The following ST6GALNAC5 variants were observed in gnomAD, a reference collection of about 807,000 sequenced individuals.
ST6GALNAC5 encodes the protein ST6 N-acetylgalactosaminide alpha-2,6-sialyltransferase 5.
In ST6GALNAC5, 27 loss-of-function variants were observed where a neutral mutation model predicts 33.6. The ratio of observed to expected loss-of-function variants is 0.80; its 90% confidence interval spans 0.59 to 1.11. ST6GALNAC5 has a LOEUF of 1.11. Ranked by LOEUF, ST6GALNAC5 falls within the 50% of genes least tolerant of loss-of-function variation. The probability of loss-of-function intolerance (pLI) is 0.00; values close to 1 mark genes in which losing one functional copy is unlikely to be tolerated. For synonymous variants in ST6GALNAC5, 194 were observed against 171.2 expected (o/e 1.13, Z -1.04); for missense variants, 428 against 454.0 (o/e 0.94, Z 0.52).
chr1:76,942,965 T>C (rs1474893149), intron 2 of ST6GALNAC5, among the ~76,000 whole-genome samples: 4 of 152,106 alleles, frequency 2.6e-5, no homozygotes, highest in Admixed American at 2.0e-4. Flanking sequence ...ACAAATTCCA[T>C]GAAAAACAAC....
At chr1:76,895,498 A>G (rs550597141) in intron 2 of ST6GALNAC5, among the ~76,000 whole-genome samples, 40 of 152,206 alleles carry the variant, frequency 2.6e-4, no homozygotes, top group Non-Finnish European at 5.3e-4. Flanking sequence ...GAATTGAAAA[A>G]CTAAATGGAA....
intron 2 of ST6GALNAC5, among the ~76,000 whole-genome samples, chr1:77,012,637 C>T (rs1650676761): frequency 1.3e-5 from 2 of 151,972 alleles, no homozygotes; most frequent in African/African-American, 4.8e-5. Flanking sequence ...CCTTTGTGAA[C>T]CAAGGAAGAG....
At chr1:77,009,830 C>T (rs964738606) in intron 2 of ST6GALNAC5, among the ~76,000 whole-genome samples, 1 of 152,140 alleles carries the variant, frequency 6.6e-6, no homozygotes, top group Admixed American at 6.5e-5. Context: ...TTGCCAATTT[C>T]CTCTTTTATG....
chr1:76,961,261 A>G (rs1298861110), intron 2 of ST6GALNAC5, among the ~76,000 whole-genome samples: 1 of 152,156 alleles, frequency 6.6e-6, no homozygotes, highest in Non-Finnish European at 1.5e-5. Context: ...ACTTTTGGAG[A>G]GGCTAGATTA....
intron 2 of ST6GALNAC5, among the ~76,000 whole-genome samples, chr1:76,991,161 C>T (rs1375000109): frequency 2.6e-5 from 4 of 152,090 alleles, no homozygotes; most frequent in African/African-American, 9.6e-5. Context: ...TATGGAGGGG[C>T]AGAAAGAAAA....
At chr1:76,913,790 G>A (rs556320661) in intron 2 of ST6GALNAC5, among the ~76,000 whole-genome samples, 8 of 152,240 alleles carry the variant, frequency 5.3e-5, no homozygotes, top group African/African-American at 1.7e-4. Context: ...CACAAGACAG[G>A]GATGCCCTCT....
chr1:76,982,251 A>G (rs1320264774), intron 2 of ST6GALNAC5, among the ~76,000 whole-genome samples: 1 of 152,208 alleles, frequency 6.6e-6, no homozygotes, highest in Non-Finnish European at 1.5e-5. Context: ...ATCGCAAGGA[A>G]GCTAAAAACC....
In ST6GALNAC5 at chr1:76,869,533, C is replaced by T. The variant is rs141913654; in HGVS notation, c.261+791C>T. ...GTATCCGCCATTATTTGAAGCTGCT[C>T]GTATGTTTTTATTAAAACACAATTC... On this transcript the variant is annotated intron_variant, in intron 2 of 4. Coordinates refer to ENST00000477717, the MANE Select transcript of ST6GALNAC5 (RefSeq NM_030965.3). 1.3e-3 allele frequency among the ~76,000 whole-genome samples: 191 copies of T among 152,208 alleles called. 2 individuals carry two copies. Among genetic ancestry groups the T allele is most frequent in the African/African-American group, 4.3e-3 (179 of 41,536 alleles).
At chr1:77,030,926 G>A (rs1651427179) in intron 2 of ST6GALNAC5, among the ~76,000 whole-genome samples, 1 of 152,192 alleles carries the variant, frequency 6.6e-6, no homozygotes, top group South Asian at 2.1e-4. Context: ...CCAAATCTGG[G>A]CAGAGTCAGC....
At chr1:77,026,054 G>T (rs145307494) in intron 2 of ST6GALNAC5, among the ~76,000 whole-genome samples, 70 of 152,344 alleles carry the variant, frequency 4.6e-4, no homozygotes, top group African/African-American at 1.3e-3. Context: ...CTGAATTCTA[G>T]TCTTGGCTTT....
Position 76,983,452 on chromosome 1 carries a change from C to A in ST6GALNAC5, c.262-60752C>A, listed in dbSNP as rs913995408. Among the ~76,000 whole-genome samples the A allele has an allele frequency of 1.7e-4, 26 of 152,032 alleles. 1 individual carries two copies. The highest frequency in any genetic ancestry group is 5.6e-4 in the African/African-American group (23 of 41,398). ...ATAATGGTAAAGGGATCAATTCAAC[C>A]AGAAGAGCTAACTATCCTAAATATA... is the stretch of plus-strand genomic sequence containing the variant. On this transcript the variant is annotated intron_variant, in intron 2 of 4. Transcript: ENST00000477717.
intron 2 of ST6GALNAC5, among the ~76,000 whole-genome samples, chr1:77,006,963 A>C (rs763282009): frequency 6.6e-6 from 1 of 152,168 alleles, no homozygotes; most frequent in African/African-American, 2.4e-5. Context: ...CTTGTTTAGT[A>C]AGCTAACCCC....
intron 2 of ST6GALNAC5, among the ~76,000 whole-genome samples, chr1:76,900,696 A>G (rs1180386917): frequency 6.6e-6 from 1 of 152,212 alleles, no homozygotes; most frequent in African/African-American, 2.4e-5. Context: ...CATAAAAATC[A>G]TTATCTTTTA....
intron 2 of ST6GALNAC5, among the ~76,000 whole-genome samples, chr1:77,002,478 G>A (rs1402186803): frequency 6.6e-6 from 1 of 151,768 alleles, no homozygotes; most frequent in Non-Finnish European, 1.5e-5. Flanking sequence ...GGTTTTTTGT[G>A]TCTCTATTTC....
intron 2 of ST6GALNAC5, among the ~76,000 whole-genome samples, chr1:77,032,562 T>C (rs867284236): frequency 6.2e-4 from 94 of 152,154 alleles, no homozygotes; most frequent in African/African-American, 2.1e-3. Context: ...TCTGTAACAA[T>C]TGAGCCATAA....
chr1:76,956,515 C>T (rs1325911797), intron 2 of ST6GALNAC5, among the ~76,000 whole-genome samples: 1 of 152,170 alleles, frequency 6.6e-6, no homozygotes, highest in Non-Finnish European at 1.5e-5. Flanking sequence ...CCATTTCCAA[C>T]TTCCCTCCTC....
intron 2 of ST6GALNAC5, among the ~76,000 whole-genome samples, chr1:76,982,710 G>A (rs568316574): frequency 6.6e-6 from 1 of 151,946 alleles, no homozygotes; most frequent in East Asian, 1.9e-4. Context: ...ACACATAATT[G>A]TCAGATTCAA....
At chr1:76,888,993 A>T (rs914062243) in intron 2 of ST6GALNAC5, among the ~76,000 whole-genome samples, 2 of 152,086 alleles carry the variant, frequency 1.3e-5, no homozygotes, top group African/African-American at 4.8e-5. Context: ...ACTGTGATGT[A>T]CAATAGGTCT....
intron 2 of ST6GALNAC5, among the ~76,000 whole-genome samples, chr1:76,900,461 G>A (rs1251114577): frequency 6.6e-6 from 1 of 152,004 alleles, no homozygotes; most frequent in Non-Finnish European, 1.5e-5. Context: ...ACAATACACT[G>A]GGATATACCT....
Sources: allele counts gnomAD v4.1 joint callset (sites outside exome capture counted in the v4.1 genomes callset), GRCh38; gene constraint gnomAD v4.1.1; transcripts MANE v1.5; gene names NCBI Gene and HGNC (gene_info 2026-07-23, HGNC 2026-07-21).